Variants in CTNND2 observed in about 807,000 individuals in gnomAD.
The protein encoded by CTNND2 is catenin delta-2.
CTNND2 carries 22 observed loss-of-function variants against 144.4 expected under a neutral mutation model. The observed-to-expected ratio is 0.15, with a 90% CI of 0.11 to 0.22. The LOEUF is 0.22. Ranked by LOEUF, CTNND2 falls within the 10% of genes least tolerant of loss-of-function variation. CTNND2 has a pLI of 1.00. For missense variants in CTNND2, 1,353 were observed against 1,618.8 expected (o/e 0.84, Z 2.82); for synonymous variants, 751 against 695.6 (o/e 1.08, Z -1.25).
At chr5:11,033,415 C>A (rs1354251388) in intron 16 of CTNND2, among the ~76,000 whole-genome samples, 2 of 152,114 alleles carry the variant, frequency 1.3e-5, no homozygotes, top group African/African-American at 2.4e-5. Context: ...AATGGAGCTC[C>A]CAATTTGATT....
intron 2 of CTNND2, among the ~76,000 whole-genome samples, chr5:11,726,871 T>C (rs946917144): frequency 5.3e-5 from 8 of 152,144 alleles, no homozygotes; most frequent in Non-Finnish European, 1.2e-4. Context: ...AAAGGACAGA[T>C]AGGTATATAA....
intron 13 of CTNND2, among the ~76,000 whole-genome samples, chr5:11,116,568 C>G (rs918593035): frequency 3.9e-5 from 6 of 152,156 alleles, no homozygotes; most frequent in African/African-American, 1.4e-4. Flanking sequence ...TAAAATAGCT[C>G]AAACACTGGA....
intron 16 of CTNND2, among the ~76,000 whole-genome samples, chr5:11,061,852 G>A (rs1380800997): frequency 6.6e-6 from 1 of 152,002 alleles, no homozygotes; most frequent in Non-Finnish European, 1.5e-5. Flanking sequence ...GGGACTATGG[G>A]CACCCACTAC....
chr5:11,901,826 C>T (rs918048526), intron 1 of CTNND2, among the ~76,000 whole-genome samples: 5 of 152,134 alleles, frequency 3.3e-5, no homozygotes, highest in African/African-American at 1.2e-4. Flanking sequence ...GCAGTATCAA[C>T]TAGTCCTTTA....
chr5:11,225,066 G>A (rs32256), intron 10 of CTNND2, among the ~76,000 whole-genome samples: 2,831 of 152,204 alleles, frequency 0.019, 57 homozygotes, highest in African/African-American at 0.053. Flanking sequence ...AAGACTGCCT[G>A]TGTGTCTTGC....
At chr5:11,150,699 C>T (rs1018369779) in intron 12 of CTNND2, among the ~76,000 whole-genome samples, 1 of 145,348 alleles carries the variant, frequency 6.9e-6, no homozygotes, top group African/African-American at 2.6e-5. Context: ...ATGATCTCGG[C>T]TCACTGCAAC....
intron 1 of CTNND2, among the ~76,000 whole-genome samples, chr5:11,894,460 T>C (rs1447322941): frequency 6.6e-6 from 1 of 152,214 alleles, no homozygotes; most frequent in Admixed American, 6.5e-5. Flanking sequence ...GCAATATCTT[T>C]ACAACCACTA....
At chr5:11,301,233 G>A (rs1749573117) in intron 9 of CTNND2, among the ~76,000 whole-genome samples, 1 of 152,074 alleles carries the variant, frequency 6.6e-6, no homozygotes, top group Non-Finnish European at 1.5e-5. Flanking sequence ...TGGCCAGGCT[G>A]GTCTCGGACT....
intron 10 of CTNND2, among the ~76,000 whole-genome samples, chr5:11,218,659 C>G (rs897498658): frequency 2.0e-5 from 3 of 152,308 alleles, no homozygotes; most frequent in Admixed American, 6.5e-5. Context: ...ACGTTGAATA[C>G]TGTCAAAGCC....
chr5:11,513,223 G>T (rs1771826548), intron 3 of CTNND2, among the ~76,000 whole-genome samples: 1 of 152,128 alleles, frequency 6.6e-6, no homozygotes, highest in African/African-American at 2.4e-5. Flanking sequence ...TCCATGAGCT[G>T]CAAGACGGTG....
intron 5 of CTNND2, among the ~76,000 whole-genome samples, chr5:11,407,870 C>T (rs918030998): frequency 2.0e-5 from 3 of 152,012 alleles, no homozygotes; most frequent in East Asian, 1.9e-4. Flanking sequence ...ATATGGTATA[C>T]GGTTGTTCCA....
chr5:11,225,652 C>A (rs2149874689), intron 10 of CTNND2, among the ~76,000 whole-genome samples: 1 of 152,248 alleles, frequency 6.6e-6, no homozygotes, highest in African/African-American at 2.4e-5. Context: ...AAGGCACTGG[C>A]CTACGTGGTT....
intron 9 of CTNND2, among the ~76,000 whole-genome samples, chr5:11,267,845 T>C (rs1373278833): frequency 6.6e-6 from 1 of 152,242 alleles, no homozygotes; most frequent in East Asian, 1.9e-4. Flanking sequence ...AGAGGCATTT[T>C]GCCTCCTCTG....
chr5:11,453,549 C>CA (rs61760265), intron 3 of CTNND2, among the ~76,000 whole-genome samples: 2 of 152,126 alleles, frequency 1.3e-5, no homozygotes, highest in Non-Finnish European at 2.9e-5. Context: ...ATCAGGGACT[C>CA]AGAGTATCAG....
intron 1 of CTNND2, among the ~76,000 whole-genome samples, chr5:11,787,565 T>C (rs1790900661): frequency 6.6e-6 from 1 of 152,176 alleles, no homozygotes; most frequent in Non-Finnish European, 1.5e-5. Context: ...TCTTAGTAGG[T>C]TGAATTTTGA....
intron 6 of CTNND2, among the ~76,000 whole-genome samples, chr5:11,390,208 G>A (rs180843870): frequency 4.8e-4 from 73 of 152,288 alleles, no homozygotes; most frequent in African/African-American, 1.7e-3. Flanking sequence ...TGTTTGTACA[G>A]AATACTATCT....
At chr5:11,276,235 T>C (rs1055230928) in intron 9 of CTNND2, among the ~76,000 whole-genome samples, 20 of 152,298 alleles carry the variant, frequency 1.3e-4, no homozygotes, top group Admixed American at 2.0e-4. Flanking sequence ...GCTCAGGATA[T>C]ACATATGTGT....
chr5:11,504,902 G>C (rs1004832560), intron 3 of CTNND2, among the ~76,000 whole-genome samples: 22 of 152,160 alleles, frequency 1.4e-4, no homozygotes, highest in African/African-American at 5.1e-4. Context: ...CTCTTGAGCA[G>C]GTTCCTTTTC....
At chr5:11,033,140 A>C (rs1019846835) in intron 16 of CTNND2, among the ~76,000 whole-genome samples, 1 of 152,250 alleles carries the variant, frequency 6.6e-6, no homozygotes, top group African/African-American at 2.4e-5. Context: ...AAAGTCACAC[A>C]GAAATATAGA....
Sources: gnomAD v4.1 joint callset for allele counts (sites outside exome capture counted in the v4.1 genomes callset) on GRCh38, gnomAD v4.1.1 for gene constraint, MANE v1.5 for transcripts, NCBI Gene and HGNC (gene_info 2026-07-23, HGNC 2026-07-21) for gene names.